The following GIMAP4 variants were observed in gnomAD, a reference collection of about 807,000 sequenced individuals.
GIMAP4 encodes the protein GTPase IMAP family member 4.
Under a neutral mutation model 10.8 loss-of-function variants are expected in GIMAP4, and 12 were observed. The observed-to-expected ratio is 1.11, with a 90% CI of 0.71 to 1.81. The LOEUF (loss-of-function observed/expected upper bound fraction) is 1.81, where lower values mean the gene tolerates loss of function less well. Ranked by LOEUF, GIMAP4 falls within the 40% of genes most tolerant of loss-of-function variation. GIMAP4 has a pLI of 0.00. For missense variants in GIMAP4, 412 were observed against 404.6 expected, an observed-to-expected ratio of 1.02 and a Z score of -0.16; for synonymous variants, 149 against 147.2, an observed-to-expected ratio of 1.01 and a Z score of -0.09.
chr7:150,567,591 T>A (rs998964186), intron 1 of GIMAP4, 154 bp downstream of exon 1: 3 of 152,206 alleles, frequency 2.0e-5, no homozygotes, highest in Non-Finnish European at 4.4e-5. Context: ...GGCTGTGATC[T>A]GTTTTCAAGG....
At chr7:150,570,227 G>T (rs778592326) in intron 2 of GIMAP4, among the ~76,000 whole-genome samples, 1 of 152,132 alleles carries the variant, frequency 6.6e-6, no homozygotes, top group Non-Finnish European at 1.5e-5. Flanking sequence ...TTGACCCAGG[G>T]CTCGGCACAG....
intron 2 of GIMAP4, among the ~76,000 whole-genome samples, chr7:150,571,008 T>C (rs1795722401): frequency 6.6e-6 from 1 of 152,172 alleles, no homozygotes; most frequent in Admixed American, 6.5e-5. Context: ...GAATAGATTG[T>C]GGCTACATTT....
rs759148006 is a variant in GIMAP4 at position 150,572,992 on chromosome 7, C to T, written c.922C>T (p.Leu308Phe). The change falls in exon 3 of 3, where the codon CTT (leucine) becomes TTT (phenylalanine). Residue 308 changes from leucine to phenylalanine, a missense_variant. Physicochemically the swap from Leu to Phe is conservative, Grantham distance 22 (BLOSUM62 0). Coordinates refer to ENST00000255945, the MANE Select transcript of GIMAP4 (RefSeq NM_018326.3). ...GGAAGTGGAGAGTAAGGATGGGATA[C>T]TTGAATTAATCATGACAGCGTTACA... is the stretch of plus-strand genomic sequence containing the variant. ...RTEVESKDGI[L>F]ELIMTALQIA... The T allele has an allele frequency of 1.9e-6, 3 of 1,612,866 alleles. No homozygotes were observed. Among genetic ancestry groups the T allele is most frequent in the Non-Finnish European group, 2.5e-6 (3 of 1,178,866 alleles).
rs1795767532 is a variant in GIMAP4, at chr7:150,573,832, C to T, written c.*772C>T. 1 of 152,164 alleles carries T rather than the reference C, an allele frequency of 6.6e-6. No homozygotes were observed. The highest frequency in any genetic ancestry group is 1.9e-4 in the East Asian group (1 of 5,206). The allele number at this position is 152,164 out of a possible 1,614,324, so 9.4% of individuals were successfully genotyped here. A position where few individuals can be genotyped will look rare whatever the true frequency, so the allele number is the denominator to read the frequency against. On this transcript the variant is annotated 3_prime_UTR_variant, in exon 3 of 3. Transcript: ENST00000255945. ...TTTTCTAGAGAAAGATAGTTGCAAC[C>T]TCACCTCCCTCACTCAACACTTTGA...
At position 150,572,677 on chromosome 7, in the gene GIMAP4, G is replaced by T. The variant is rs1156311332; in HGVS notation, c.607G>T (p.Ala203Ser). The T allele has an allele frequency of 6.2e-7, 1 of 1,614,152 alleles. No individual in the cohort carries two copies. The highest frequency in any genetic ancestry group is 1.1e-5 in the South Asian group (1 of 91,082). ...AGGCGCTGAGCAGGAGGCCCAGAGG[G>T]CACAGTTGCTGGGCCTGATCCAGCG... ...ATGAEQEAQRAQLLGLIQRVV... is the reference protein window; with the variant it reads ...ATGAEQEAQRSQLLGLIQRVV... Residue 203 changes from alanine (A) to serine (S), a missense_variant, in exon 3 of 3, where the codon GCA becomes TCA. Physicochemically the swap from Ala to Ser is moderately conservative, Grantham distance 99. Coordinates refer to ENST00000255945, the MANE Select transcript of GIMAP4 (RefSeq NM_018326.3).
At chr7:150,569,644 G>T (rs76796249) in intron 1 of GIMAP4, among the ~76,000 whole-genome samples, 9,298 of 152,156 alleles carry the variant, frequency 0.061, 854 homozygotes, top group African/African-American at 0.2. Context: ...CTAGATAGAG[G>T]GGGGAAGGGG....
At position 150,572,936 on chromosome 7, in the gene GIMAP4, A is replaced by G; in HGVS notation, c.866A>G (p.His289Arg). The part of the protein sequence containing the change: ...MEKKLAEQEA[H>R]YAVRQQRART... ...AAGAAACTAGCAGAACAGGAGGCTCACTATGCTGTAAGGCAGCAAAGGGCA... is the reference window on the plus strand; with the variant it reads ...AAGAAACTAGCAGAACAGGAGGCTCGCTATGCTGTAAGGCAGCAAAGGGCA... The change falls in exon 3 of 3, where the codon CAC (histidine) becomes CGC (arginine). Residue 289 changes from histidine (H) to arginine (R), a missense_variant. Physicochemically the swap from His to Arg is conservative, Grantham distance 29 (BLOSUM62 0). Coordinates refer to ENST00000255945, the MANE Select transcript of GIMAP4 (RefSeq NM_018326.3). The G allele has an allele frequency of 1.2e-6, 2 of 1,613,920 alleles. No individual in the cohort carries two copies. The highest frequency in any genetic ancestry group is 1.7e-6 in the Non-Finnish European group (2 of 1,179,742).
In GIMAP4 at chr7:150,572,124, C is replaced by A. The variant is rs374721745; in HGVS notation, c.59-5C>A. The A allele has an allele frequency of 7.5e-5, 119 of 1,584,196 alleles. No homozygotes were observed. The highest frequency in any genetic ancestry group is 9.9e-5 in the Non-Finnish European group (115 of 1,157,934). ...CATGGCTTTTTTTTTTTCTTGATGT[C>A]CCAGGGCCTGGAAGGCAAGAGCCCA... On this transcript the variant is annotated splice_region_variant and splice_polypyrimidine_tract_variant and intron_variant, in intron 2 of 2. Transcript: ENST00000255945.
intron 2 of GIMAP4, 56 bp from the exon 3 acceptor site, chr7:150,572,073 A>T: frequency 8.7e-7 from 1 of 1,144,244 alleles, no homozygotes; most frequent in Middle Eastern, 2.0e-4. Flanking sequence ...TCTGCAGGGG[A>T]ATCTATTAGA....
At chr7:150,568,711 C>G (rs761645913) in intron 1 of GIMAP4, among the ~76,000 whole-genome samples, 2 of 152,104 alleles carry the variant, frequency 1.3e-5, no homozygotes, top group African/African-American at 4.8e-5. Flanking sequence ...TTGTGCTTGT[C>G]CCCAGGGAAT....
At position 150,568,875 on chromosome 7, in the gene GIMAP4, G is replaced by A. The variant is rs142887520; in HGVS notation, c.-14-1013G>A. ...TGGATCATAACAGAGGGTGTTGCTG[G>A]TAGACAGTGGTGTTGGGGAAGACTC... On this transcript the variant is annotated intron_variant, in intron 1 of 2. Transcript: ENST00000255945. Among the ~76,000 whole-genome samples the A allele has an allele frequency of 1.1e-4, 16 of 152,340 alleles. No individual in the cohort carries two copies. In the East Asian group the frequency reaches 3.1e-3, roughly 29 times the overall value.
rs62636206 is a variant in GIMAP4, at chr7:150,572,886, G to A, written c.816G>A (p.Gln272=). ...GAAAGCTGGAAGATAAAGTGGAGCA[G>A]GAAAAGAGAAAGAAGCAAATGGAGA... The part of the protein sequence containing the change: ...KIRKLEDKVE[Q]EKRKKQMEKK... The change falls in exon 3 of 3, where the codon CAG becomes CAA. Residue 272 remains glutamine (Q), a synonymous_variant. Coordinates refer to ENST00000255945, the MANE Select transcript of GIMAP4 (RefSeq NM_018326.3). The A allele has an allele frequency of 6.0e-4, 965 of 1,613,992 alleles. 4 individuals carry two copies. The African/African-American group carries it at 0.012, about 20-fold the overall frequency.
chr7:150,570,720 T>C (rs972285853), intron 2 of GIMAP4, among the ~76,000 whole-genome samples: 1 of 152,044 alleles, frequency 6.6e-6, no homozygotes, highest in Non-Finnish European at 1.5e-5. Context: ...TAGCAAGCTC[T>C]CAGACAGCAA....
At position 150,572,872 on chromosome 7, in the gene GIMAP4, G is replaced by A; in HGVS notation, c.802G>A (p.Asp268Asn). 1 of 1,613,932 alleles carries A rather than the reference G, an allele frequency of 6.2e-7. No individual in the cohort carries two copies. The highest frequency in any genetic ancestry group is 2.2e-5 in the East Asian group (1 of 44,828). ...EYEEKIRKLE[D>N]KVEQEKRKKQ... The stretch of plus-strand genomic sequence containing the variant: ...TGAAGAGAAAATCAGAAAGCTGGAA[G>A]ATAAAGTGGAGCAGGAAAAGAGAAA... Residue 268 changes from aspartate to asparagine, a missense_variant, in exon 3 of 3, where the codon GAT (aspartate) becomes AAT (asparagine). Physicochemically the swap from Asp to Asn is conservative, Grantham distance 23. Coordinates refer to ENST00000255945, the MANE Select transcript of GIMAP4 (RefSeq NM_018326.3).
At chr7:150,571,115 A>G (rs1795723423) in intron 2 of GIMAP4, among the ~76,000 whole-genome samples, 1 of 152,150 alleles carries the variant, frequency 6.6e-6, no homozygotes, top group Admixed American at 6.5e-5. Flanking sequence ...TTTGCCTCCC[A>G]TGATTCTCCT....
chr7:150,572,039 G>A (rs529062300), intron 2 of GIMAP4, 90 bp from the exon 3 acceptor site: 2 of 782,206 alleles, frequency 2.6e-6, no homozygotes, highest in African/African-American at 3.4e-5. Context: ...GCCAGTAACG[G>A]AGGAGGGCAC....
At position 150,573,510 on chromosome 7, in the gene GIMAP4, GTAATC is replaced by G. The variant is rs1795763639; in HGVS notation, c.*452_*456del. 6.5e-6 allele frequency: 1 copy of G among 154,662 alleles called. No homozygotes were observed. The highest frequency in any genetic ancestry group is 1.4e-5 in the Non-Finnish European group (1 of 69,744). 9.6% of individuals were successfully genotyped at this position (154,662 alleles called of 1,614,324 possible). ...AAGATCAATTCTTTGTTTGCAGTAG[GTAATC>G]TTAGAGATGGAGATGATTGTAGAAT... On this transcript the variant is annotated 3_prime_UTR_variant, in exon 3 of 3. Transcript: ENST00000255945.
rs915947690 is a variant in GIMAP4, at chr7:150,573,496, T to G, written c.*436T>G. 6.4e-6 allele frequency: 1 copy of G among 155,348 alleles called. No individual in the cohort carries two copies. The highest frequency in any genetic ancestry group is 1.4e-5 in the Non-Finnish European group (1 of 70,128). 9.6% of individuals were successfully genotyped at this position (155,348 alleles called of 1,614,324 possible). A position where few individuals can be genotyped will look rare whatever the true frequency, so the allele number is the denominator to read the frequency against. ...GTTTTTGAGAAAGAAAGATCAATTC[T>G]TTGTTTGCAGTAGGTAATCTTAGAG... On this transcript the variant is annotated 3_prime_UTR_variant, in exon 3 of 3. Transcript: ENST00000255945.
Position 150,572,229 on chromosome 7 carries a change from G to C in GIMAP4, c.159G>C (p.Arg53=). The C allele has an allele frequency of 6.2e-7, 1 of 1,614,138 alleles. No individual in the cohort carries two copies. The part of the protein sequence containing the change: ...KSATGNSILG[R]KVFHSGTAAK... ...CAACAGGAAACAGCATCCTTGGCCGGAAAGTGTTTCATTCTGGCACTGCAG... is the reference window on the plus strand; with the variant it reads ...CAACAGGAAACAGCATCCTTGGCCGCAAAGTGTTTCATTCTGGCACTGCAG... Residue 53 remains arginine (R), a synonymous_variant, in exon 3 of 3, where the codon CGG becomes CGC. Transcript: ENST00000255945.
Sources: allele counts gnomAD v4.1 joint callset (sites outside exome capture counted in the v4.1 genomes callset), GRCh38; gene constraint gnomAD v4.1.1; transcripts MANE v1.5; gene names NCBI Gene and HGNC (gene_info 2026-07-23, HGNC 2026-07-21).